Variants in FGF14 observed in about 807,000 individuals in gnomAD.
The protein encoded by FGF14 is fibroblast growth factor homologous factor 4.
In FGF14, 5 loss-of-function variants were observed where a neutral mutation model predicts 25.5. The observed-to-expected ratio is 0.20, with a 90% CI of 0.10 to 0.41. The LOEUF is 0.41. Ranked by LOEUF, FGF14 falls within the 10% of genes least tolerant of loss-of-function variation. The probability of loss-of-function intolerance (pLI) is 1.00; values close to 1 mark genes in which losing one functional copy is unlikely to be tolerated. For synonymous variants in FGF14, 138 were observed against 118.3 expected (o/e 1.17, Z -1.08); for missense variants, 222 against 320.1 (o/e 0.69, Z 2.34).
At chr13:102,183,879 G>A (rs890068158) in intron 1 of FGF14, among the ~76,000 whole-genome samples, 7 of 152,126 alleles carry the variant, frequency 4.6e-5, no homozygotes, top group Admixed American at 2.0e-4. Flanking sequence ...AAGAACCATC[G>A]CATATCCTTT....
chr13:101,764,879 T>C (rs1594167873), intron 3 of FGF14, among the ~76,000 whole-genome samples: 1 of 152,372 alleles, frequency 6.6e-6, no homozygotes, highest in East Asian at 1.9e-4. Context: ...AATTTGACCT[T>C]GGATGAGAAT....
At chr13:102,307,273 C>T (rs972305447) in intron 1 of FGF14, among the ~76,000 whole-genome samples, 1 of 152,082 alleles carries the variant, frequency 6.6e-6, no homozygotes, top group Non-Finnish European at 1.5e-5. Context: ...TGAGAACCTC[C>T]GGAAAGGAAC....
At chr13:102,121,924 G>A (rs1366731083) in intron 1 of FGF14, among the ~76,000 whole-genome samples, 6 of 152,226 alleles carry the variant, frequency 3.9e-5, no homozygotes, top group East Asian at 1.9e-4. Flanking sequence ...CTAAGAAAAC[G>A]GCTTTCTGCT....
chr13:102,189,502 G>C (rs907689933), intron 1 of FGF14, among the ~76,000 whole-genome samples: 9 of 152,126 alleles, frequency 5.9e-5, no homozygotes, highest in African/African-American at 2.2e-4. Flanking sequence ...AGGTATTATG[G>C]AGGTAGAATC....
At chr13:102,356,070 A>C (rs1177837977) in intron 1 of FGF14, among the ~76,000 whole-genome samples, 4 of 152,248 alleles carry the variant, frequency 2.6e-5, no homozygotes, top group African/African-American at 9.6e-5. Context: ...AACTTTTCAC[A>C]AAATAGTTTC....
At chr13:102,306,753 A>G (rs925953576) in intron 1 of FGF14, among the ~76,000 whole-genome samples, 8 of 152,198 alleles carry the variant, frequency 5.3e-5, no homozygotes, top group Non-Finnish European at 1.2e-4. Flanking sequence ...CTTTTGAACA[A>G]TGAAATTTGC....
intron 1 of FGF14, among the ~76,000 whole-genome samples, chr13:102,257,620 ACCACGCCCAGC>A (rs1035024483): frequency 1.3e-5 from 2 of 152,014 alleles, no homozygotes; most frequent in Admixed American, 1.3e-4. Context: ...GGTGTGAGCC[ACCACGCCCAGC>A]CGTTTGCATG....
intron 1 of FGF14, among the ~76,000 whole-genome samples, chr13:101,928,395 G>GGTGTGTGTGTGTGTGTGT (rs149758126): frequency 1.4e-5 from 2 of 147,938 alleles, no homozygotes; most frequent in African/African-American, 4.9e-5. Context: ...AACTTGCTGT[G>GGTGTGTGTGTGTGTGTGT]GTGTGTGTGT....
chr13:102,289,694 C>A (rs1335933671), intron 1 of FGF14, among the ~76,000 whole-genome samples: 4 of 152,194 alleles, frequency 2.6e-5, no homozygotes, highest in African/African-American at 9.7e-5. Flanking sequence ...ATTAGACTTT[C>A]AGACCCATAA....
chr13:101,728,488 C>T lies in FGF14; in HGVS notation c.409-1678G>A, dbSNP rs946719943. ...CCACTGAGTCAATGTCCAGGCCATGCGCCCGAAAAAAAAGATTGATAAAAC... is the reference window on the plus strand; with the variant it reads ...CCACTGAGTCAATGTCCAGGCCATGTGCCCGAAAAAAAAGATTGATAAAAC... On this transcript the variant is annotated intron_variant, in intron 3 of 4. Coordinates refer to ENST00000376143, the MANE Select transcript of FGF14 (RefSeq NM_004115.4). Among the ~76,000 whole-genome samples, 10 of 151,676 alleles carry T rather than the reference C, an allele frequency of 6.6e-5. 1 individual carries two copies. The highest frequency in any genetic ancestry group is 1.9e-4 in the East Asian group (1 of 5,164).
At chr13:102,264,674 T>C (rs1467321927) in intron 1 of FGF14, among the ~76,000 whole-genome samples, 5 of 152,134 alleles carry the variant, frequency 3.3e-5, no homozygotes, top group African/African-American at 4.8e-5. Flanking sequence ...GAGCTAAAGA[T>C]GGTGGGGGAC....
intron 1 of FGF14, among the ~76,000 whole-genome samples, chr13:102,043,712 A>G (rs2041850805): frequency 6.6e-6 from 1 of 152,166 alleles, no homozygotes; most frequent in Non-Finnish European, 1.5e-5. Flanking sequence ...ACATGAAACT[A>G]GATTAGGAAC....
chr13:101,870,608 T>C (rs1213311242), intron 2 of FGF14, among the ~76,000 whole-genome samples: 1 of 152,152 alleles, frequency 6.6e-6, no homozygotes, highest in African/African-American at 2.4e-5. Context: ...TAGTTTAAAA[T>C]GATCATACTG....
intron 1 of FGF14, among the ~76,000 whole-genome samples, chr13:102,084,016 T>C (rs2043767717): frequency 1.3e-5 from 2 of 152,138 alleles, no homozygotes; most frequent in South Asian, 4.1e-4. Flanking sequence ...TTCTCTACTT[T>C]TCTCTCTTGT....
intron 3 of FGF14, among the ~76,000 whole-genome samples, chr13:101,797,980 T>C (rs1024338374): frequency 6.6e-6 from 1 of 152,122 alleles, no homozygotes; most frequent in African/African-American, 2.4e-5. Context: ...CAGTAAATGG[T>C]AAGATTTGAA....
intron 1 of FGF14, among the ~76,000 whole-genome samples, chr13:101,951,738 G>GA (rs1430103658): frequency 6.6e-6 from 1 of 152,036 alleles, no homozygotes; most frequent in Non-Finnish European, 1.5e-5. Flanking sequence ...TTCCAAATTG[G>GA]AATCTAATTA....
At chr13:101,847,926 G>A (rs2043548069) in intron 3 of FGF14, among the ~76,000 whole-genome samples, 1 of 151,994 alleles carries the variant, frequency 6.6e-6, no homozygotes, top group Admixed American at 6.6e-5. Context: ...TGATTAAAAT[G>A]TAGTCTACCT....
At chr13:101,866,396 T>A (rs1662380305) in intron 3 of FGF14, among the ~76,000 whole-genome samples, 1 of 152,136 alleles carries the variant, frequency 6.6e-6, no homozygotes, top group South Asian at 2.1e-4. Flanking sequence ...TGCTCCAATC[T>A]TATCTTTTCT....
At chr13:102,369,480 C>T (rs2057813219) in intron 1 of FGF14, among the ~76,000 whole-genome samples, 1 of 152,192 alleles carries the variant, frequency 6.6e-6, no homozygotes, top group African/African-American at 2.4e-5. Context: ...TTATGCTGTG[C>T]AATCAATGTC....
Sources: gnomAD v4.1 joint callset for allele counts (sites outside exome capture counted in the v4.1 genomes callset) on GRCh38, gnomAD v4.1.1 for gene constraint, MANE v1.5 for transcripts, NCBI Gene and HGNC (gene_info 2026-07-23, HGNC 2026-07-21) for gene names.